Variants in ACSL5 observed in about 807,000 individuals in gnomAD.
ACSL5 encodes long-chain-fatty-acid--CoA ligase 5.
ACSL5 carries 50 observed loss-of-function variants against 84.9 expected under a neutral mutation model. The observed-to-expected ratio is 0.59, with a 90% CI of 0.47 to 0.75. The LOEUF (loss-of-function observed/expected upper bound fraction) is 0.75, where lower values mean the gene tolerates loss of function less well. ACSL5 is among the 30% of genes least tolerant of loss of function. The pLI, the probability that ACSL5 is intolerant of heterozygous loss-of-function variation, is 0.00. For synonymous variants in ACSL5, 280 were observed against 300.7 expected, an observed-to-expected ratio of 0.93 and a Z score of 0.71; for missense variants, 775 against 830.4, an observed-to-expected ratio of 0.93 and a Z score of 0.82.
In ACSL5 at chr10:112,404,577, T is replaced by G. The variant is rs1843986605; in HGVS notation, c.330+2T>G. On this transcript the variant is annotated splice_donor_variant, in intron 4 of 20. Transcript: ENST00000354655. LOFTEE classifies it high-confidence loss of function. ...TACAGATGGCTATCTTACAAACAGG[T>G]AAGTTGAGTCCATGTTTTTAGACAG... 1.2e-6 allele frequency: 2 copies of G among 1,612,194 alleles called. No homozygotes were observed. Among genetic ancestry groups the G allele is most frequent in the East Asian group, 4.5e-5 (2 of 44,868 alleles).
At chr10:112,424,470 C>G (rs563920393) in intron 17 of ACSL5, 1 of 152,324 alleles carries the variant, frequency 6.6e-6, no homozygotes, top group African/African-American at 2.4e-5. Flanking sequence ...TAGTATCTTG[C>G]TAATATATTT....
Position 112,404,516 on chromosome 10 carries a change from G to A in ACSL5, c.271G>A (p.Gly91Arg). ...TTTTAATATTATGTTTTTAGACAAT[G>A]GGCCCTGCTTGGGATATAGAAAACC... ...FQRGLAVSDN[G>R]PCLGYRKPNQ... Residue 91 changes from glycine to arginine, a missense_variant, in exon 4 of 21, where the codon GGG becomes AGG. By Grantham distance (125) the Gly-to-Arg change is moderately radical. Transcript: ENST00000354655. The A allele has an allele frequency of 6.2e-7, 1 of 1,612,196 alleles. No individual in the cohort carries two copies. The highest frequency in any genetic ancestry group is 8.5e-7 in the Non-Finnish European group (1 of 1,178,404).
intron 3 of ACSL5, among the ~76,000 whole-genome samples, chr10:112,403,563 G>A (rs1221574222): frequency 6.6e-6 from 1 of 152,232 alleles, no homozygotes; most frequent in East Asian, 1.9e-4. Flanking sequence ...TGGGATTACA[G>A]GCATGAGCCA....
At chr10:112,404,862 C>A in intron 5 of ACSL5, 56 bp downstream of exon 5, 1 of 1,445,566 alleles carries the variant, frequency 6.9e-7, no homozygotes, top group Non-Finnish European at 9.6e-7. Context: ...TTAAAAACTT[C>A]AAATGCTATT....
intron 1 of ACSL5, chr10:112,376,433 G>A (rs139217888): frequency 1.2e-6 from 2 of 1,614,040 alleles, no homozygotes; most frequent in Non-Finnish European, 1.7e-6. Flanking sequence ...ACTGAGAGAT[G>A]CGGCCCCCTC....
At chr10:112,420,989 T>C (rs1325323215) in intron 14 of ACSL5, among the ~76,000 whole-genome samples, 2 of 151,970 alleles carry the variant, frequency 1.3e-5, no homozygotes, top group Non-Finnish European at 2.9e-5. Context: ...CCCAAAGTGC[T>C]GGGATTACAA....
intron 1 of ACSL5, among the ~76,000 whole-genome samples, chr10:112,387,200 T>C (rs556955835): frequency 6.6e-6 from 1 of 152,322 alleles, no homozygotes; most frequent in South Asian, 2.1e-4. Context: ...GATCATTGTC[T>C]CAAATCACCT....
intron 12 of ACSL5, among the ~76,000 whole-genome samples, chr10:112,415,421 G>A (rs1007874819): frequency 1.7e-4 from 26 of 151,982 alleles, no homozygotes; most frequent in Non-Finnish European, 2.9e-4. Context: ...GGATGGTCTC[G>A]ATCTCCCTGG....
intron 14 of ACSL5, among the ~76,000 whole-genome samples, 172 bp from the exon 15 acceptor site, chr10:112,421,421 A>C (rs1844462187): frequency 6.6e-6 from 1 of 152,092 alleles, no homozygotes; most frequent in Non-Finnish European, 1.5e-5. Flanking sequence ...TCGGCCTCCC[A>C]AAGTGCTGGG....
chr10:112,390,227 A>G (rs911642736), intron 1 of ACSL5, among the ~76,000 whole-genome samples: 2 of 152,214 alleles, frequency 1.3e-5, no homozygotes, highest in African/African-American at 4.8e-5. Flanking sequence ...AAAAGACTTG[A>G]GTAGACATTT....
At chr10:112,380,767 T>G (rs1470448102) in intron 1 of ACSL5, among the ~76,000 whole-genome samples, 1 of 152,116 alleles carries the variant, frequency 6.6e-6, no homozygotes, top group Non-Finnish European at 1.5e-5. Context: ...GTCATCCTTT[T>G]TTGTTTTGTT....
chr10:112,401,425 C>T lies in ACSL5; in HGVS notation c.265+2416C>T, dbSNP rs185040405. On this transcript the variant is annotated intron_variant, in intron 3 of 20. Transcript: ENST00000354655. ...AGCTTTGTATTTTTAGCAACACTTCCAGGGGATTCTGTATACCAGAGTTGG... is the reference window on the plus strand; with the variant it reads ...AGCTTTGTATTTTTAGCAACACTTCTAGGGGATTCTGTATACCAGAGTTGG... Among the ~76,000 whole-genome samples, 14 of 152,304 alleles carry T rather than the reference C, an allele frequency of 9.2e-5. No homozygotes were observed. In the East Asian group the frequency reaches 2.5e-3, roughly 27 times the overall value.
intron 1 of ACSL5, among the ~76,000 whole-genome samples, chr10:112,390,869 A>T (rs1849547380): frequency 6.6e-6 from 1 of 152,216 alleles, no homozygotes; most frequent in East Asian, 1.9e-4. Flanking sequence ...AGATAAATCC[A>T]TAGCAACAGA....
At chr10:112,398,684 C>A (rs138100644) in intron 2 of ACSL5, among the ~76,000 whole-genome samples, 30 of 152,272 alleles carry the variant, frequency 2.0e-4, no homozygotes, top group Middle Eastern at 3.4e-3. Flanking sequence ...GGATTACAGG[C>A]GTGAGCCACC....
In ACSL5 at chr10:112,428,246, T is replaced by G. The variant is rs1174110038; in HGVS notation, c.*888T>G. The G allele has an allele frequency of 5.2e-6, 2 of 384,212 alleles. No individual in the cohort carries two copies. Among genetic ancestry groups the G allele is most frequent in the African/African-American group, 4.1e-5 (2 of 48,316 alleles). 23.8% of individuals were successfully genotyped at this position (384,212 alleles called of 1,614,324 possible). Reference sequence around the variant, plus strand: ...CAAGCAAGATGCCCACACAACAGGCTTATTTTCTGTGAAGGAACCAACTGA... The same window carrying G: ...CAAGCAAGATGCCCACACAACAGGCGTATTTTCTGTGAAGGAACCAACTGA... On this transcript the variant is annotated 3_prime_UTR_variant, in exon 21 of 21. Transcript: ENST00000354655.
rs1225890384 is a variant in ACSL5 at position 112,404,688 on chromosome 10, A to G, written c.331-17A>G. ...ACCTCTTCTCTCTCTCTCTCACCCC[A>G]TCTCTCTTTTTTGTAGGTGTCTGAT... is the stretch of plus-strand genomic sequence containing the variant. On this transcript the variant is annotated splice_polypyrimidine_tract_variant and intron_variant, in intron 4 of 20. Transcript: ENST00000354655. The G allele has an allele frequency of 6.2e-7, 1 of 1,610,070 alleles. No individual in the cohort carries two copies. Among genetic ancestry groups the G allele is most frequent in the East Asian group, 2.2e-5 (1 of 44,838 alleles).
At position 112,394,566 on chromosome 10, in the gene ACSL5, T is replaced by G. The variant is rs370786125; in HGVS notation, c.-29-352T>G. Among the ~76,000 whole-genome samples, 7 of 152,312 alleles carry G rather than the reference T, an allele frequency of 4.6e-5. No homozygotes were observed. The East Asian group carries it at 1.4e-3, about 29-fold the overall frequency. Reference sequence around the variant, plus strand: ...CTGTCCTCTGACCATCAGATTATGTTGGGTCTAGCAGGCTGCCTTCTTCCA... The same window carrying G: ...CTGTCCTCTGACCATCAGATTATGTGGGGTCTAGCAGGCTGCCTTCTTCCA... On this transcript the variant is annotated intron_variant, in intron 1 of 20. Transcript: ENST00000354655.
chr10:112,379,266 G>A (rs111345722), intron 1 of ACSL5, among the ~76,000 whole-genome samples: 4,058 of 152,202 alleles, frequency 0.027, 89 homozygotes, highest in East Asian at 0.12. Flanking sequence ...CTAGCTGGGC[G>A]TGGTGGCAGC....
chr10:112,387,936 CTTT>C (rs35032191), intron 1 of ACSL5, among the ~76,000 whole-genome samples: 2 of 118,444 alleles, frequency 1.7e-5, no homozygotes, highest in Non-Finnish European at 3.3e-5. Flanking sequence ...TTATTTGTTC[CTTT>C]TTTTTTTTTT....
Sources: gnomAD v4.1 joint callset for allele counts (sites outside exome capture counted in the v4.1 genomes callset) on GRCh38, gnomAD v4.1.1 for gene constraint, MANE v1.5 for transcripts, NCBI Gene and HGNC (gene_info 2026-07-23, HGNC 2026-07-21) for gene names.